Variants in BPGM observed in about 807,000 individuals in gnomAD.
BPGM encodes bisphosphoglycerate mutase.
A neutral mutation model predicts 21.6 loss-of-function variants in BPGM; 15 were observed. That is an observed-to-expected ratio of 0.70 (90% CI 0.47 to 1.07). BPGM has a LOEUF of 1.07. Ranked by LOEUF, BPGM falls within the 50% of genes least tolerant of loss-of-function variation. BPGM has a pLI of 0.00. For missense variants in BPGM, 273 were observed against 319.0 expected (o/e 0.86, Z 1.10); for synonymous variants, 113 against 116.2 (o/e 0.97, Z 0.18).
At position 134,661,738 on chromosome 7, in the gene BPGM, A is replaced by G. The variant is rs780186103; in HGVS notation, c.231A>G (p.Glu77=). 7 of 1,614,032 alleles carry G rather than the reference A, an allele frequency of 4.3e-6. No individual in the cohort carries two copies. The highest frequency in any genetic ancestry group is 3.3e-5 in the Admixed American group (2 of 59,986). The change falls in exon 2 of 3, where the codon GAA becomes GAG. Residue 77 remains glutamate, a synonymous_variant. Transcript: ENST00000344924. The surrounding 1 kb of genome is among the most constrained non-coding windows in gnomAD (Gnocchi z 4.6). ...TGATCCTGGAAGAGCTAGGCCAGGA[A>G]TGGGTGCCTGTGGAAAGCTCCTGGC... ...AWLILEELGQ[E]WVPVESSWRL...
At chr7:134,654,129 C>T (rs1381820313) in intron 1 of BPGM, among the ~76,000 whole-genome samples, 2 of 99,776 alleles carry the variant, frequency 2.0e-5, no homozygotes, top group Non-Finnish European at 3.8e-5. Context: ...GTTTTAGGTA[C>T]ACACACACAC....
intron 1 of BPGM, among the ~76,000 whole-genome samples, chr7:134,650,157 G>C (rs1313794276): frequency 6.6e-6 from 1 of 152,164 alleles, no homozygotes; most frequent in African/African-American, 2.4e-5. Flanking sequence ...TTAGACTTTT[G>C]GAATTTGGTG....
intron 2 of BPGM, among the ~76,000 whole-genome samples, chr7:134,669,972 CT>C (rs1399507317): frequency 6.6e-6 from 1 of 152,028 alleles, no homozygotes; most frequent in African/African-American, 2.4e-5. Context: ...TGAAAGCATC[CT>C]GTACTGTAGC....
chr7:134,656,836 A>G (rs765264891), intron 1 of BPGM, among the ~76,000 whole-genome samples: 4 of 152,198 alleles, frequency 2.6e-5, no homozygotes, highest in Non-Finnish European at 4.4e-5. Context: ...CAGTCGCCCA[A>G]AGTCTTAGCT....
At chr7:134,664,841 G>C (rs903051441) in intron 2 of BPGM, among the ~76,000 whole-genome samples, 1 of 152,168 alleles carries the variant, frequency 6.6e-6, no homozygotes, top group Non-Finnish European at 1.5e-5. Context: ...CCAGCCACAA[G>C]GGATCACATA....
At position 134,678,844 on chromosome 7, in the gene BPGM, G is replaced by C. The variant is rs368879693; in HGVS notation, c.602-9G>C. 7.7e-5 allele frequency: 124 copies of C among 1,612,490 alleles called. No homozygotes were observed. Among genetic ancestry groups the C allele is most frequent in the Non-Finnish European group, 1.0e-4 (119 of 1,178,676 alleles). On this transcript the variant is annotated splice_polypyrimidine_tract_variant and intron_variant, in intron 2 of 2. Transcript: ENST00000344924. The stretch of plus-strand genomic sequence containing the variant: ...TTAACACCTGGTCTCTTCCTGTCCT[G>C]ATCAACAGGTATCTCAGATGAAGAC...
At chr7:134,653,520 T>C (rs1320341909) in intron 1 of BPGM, among the ~76,000 whole-genome samples, 1 of 152,200 alleles carries the variant, frequency 6.6e-6, no homozygotes, top group African/African-American at 2.4e-5. Flanking sequence ...TGTCCCAATA[T>C]GTATAGAAAA....
intron 1 of BPGM, among the ~76,000 whole-genome samples, chr7:134,659,372 CGTGTGT>C (rs66893203): frequency 0.022 from 3,265 of 145,302 alleles, 55 homozygotes; most frequent in African/African-American, 0.053. Context: ...CACACCCCTC[CGTGTGT>C]GTGTGTGTGT....
chr7:134,674,242 C>T (rs1005278953), intron 2 of BPGM, among the ~76,000 whole-genome samples: 4 of 152,016 alleles, frequency 2.6e-5, no homozygotes, highest in Non-Finnish European at 4.4e-5. Flanking sequence ...ATCTTTATTG[C>T]GTTATAATTC....
At chr7:134,651,096 A>T (rs1245546605) in intron 1 of BPGM, among the ~76,000 whole-genome samples, 1 of 152,204 alleles carries the variant, frequency 6.6e-6, no homozygotes, top group African/African-American at 2.4e-5. Context: ...AAGTTGCTCA[A>T]AGCCACACAA....
intron 2 of BPGM, among the ~76,000 whole-genome samples, chr7:134,662,593 TTA>T (rs1795753528): frequency 1.3e-5 from 2 of 152,332 alleles, no homozygotes; most frequent in Admixed American, 1.3e-4. Flanking sequence ...GTCAAGTAAA[TTA>T]TCTAGACTTC....
rs762117892 is a variant in BPGM at position 134,661,837 on chromosome 7, A to G, written c.330A>G (p.Glu110=). The change falls in exon 2 of 3, where the codon GAA becomes GAG. Residue 110 remains glutamate, a synonymous_variant. Transcript: ENST00000344924. This position sits in a 1 kb window ranked among gnomAD's most constrained non-coding sequence, Gnocchi z 4.6. ...REQMALNHGE[E]QVRLWRRSYN... ...AGATGGCTTTGAATCATGGTGAAGA[A>G]CAAGTGAGGCTCTGGAGAAGAAGCT... is the stretch of plus-strand genomic sequence containing the variant. The G allele has an allele frequency of 4.3e-6, 7 of 1,609,282 alleles. No homozygotes were observed. The highest frequency in any genetic ancestry group is 1.7e-5 in the Admixed American group (1 of 59,568).
At chr7:134,667,171 G>C (rs750601699) in intron 2 of BPGM, among the ~76,000 whole-genome samples, 1 of 152,120 alleles carries the variant, frequency 6.6e-6, no homozygotes, top group Non-Finnish European at 1.5e-5. Flanking sequence ...TACTGTTTAG[G>C]GGGGAAATAA....
At chr7:134,653,079 A>C (rs1024039867) in intron 1 of BPGM, among the ~76,000 whole-genome samples, 1 of 152,236 alleles carries the variant, frequency 6.6e-6, no homozygotes, top group African/African-American at 2.4e-5. Flanking sequence ...AAACGGTTGA[A>C]ATAAATTAAT....
chr7:134,679,029 T>C lies in BPGM; in HGVS notation c.778T>C (p.Ter260GlnextTer7), dbSNP rs1346500429. Reference sequence around the variant, plus strand: ...AGGAAAAGTGAAACAAGCTAAAAAATAGTCTTTCTCAACTGTTGGCTAAGA... The same window carrying C: ...AGGAAAAGTGAAACAAGCTAAAAAACAGTCTTTCTCAACTGTTGGCTAAGA... ...DQGKVKQAKK[*>Q] The change falls in exon 3 of 3, where the codon TAG (stop) becomes CAG (glutamine). Residue 260 changes from the stop codon to glutamine, a stop_lost. Transcript: ENST00000344924. 9 of 1,614,044 alleles carry C rather than the reference T, an allele frequency of 5.6e-6. No homozygotes were observed. The Admixed American group carries it at 6.7e-5, about 12-fold the overall frequency.
At chr7:134,674,492 G>A (rs1015638337) in intron 2 of BPGM, among the ~76,000 whole-genome samples, 4 of 152,106 alleles carry the variant, frequency 2.6e-5, no homozygotes, top group Non-Finnish European at 5.9e-5. Flanking sequence ...TCATGTAAAT[G>A]GACTTATGCA....
Position 134,662,033 on chromosome 7 carries a change from G to A in BPGM, c.526G>A (p.Glu176Lys), listed in dbSNP as rs200416137. The change falls in exon 2 of 3, where the codon GAA (glutamate) becomes AAA (lysine). Residue 176 changes from glutamate to lysine, a missense_variant. Coordinates refer to ENST00000344924, the MANE Select transcript of BPGM (RefSeq NM_001724.5). ...CTATTGGAATGAAAGGATTGCTCCC[G>A]AAGTATTACGTGGCAAAACCATTCT... Reference protein sequence around the residue: ...LPYWNERIAPEVLRGKTILIS... With the variant: ...LPYWNERIAPKVLRGKTILIS... 1.7e-4 allele frequency: 277 copies of A among 1,614,038 alleles called. No individual in the cohort carries two copies. Among genetic ancestry groups the A allele is most frequent in the Non-Finnish European group, 2.3e-4 (267 of 1,180,022 alleles).
intron 2 of BPGM, among the ~76,000 whole-genome samples, chr7:134,676,927 C>T (rs185487556): frequency 1.3e-5 from 2 of 152,286 alleles, no homozygotes; most frequent in East Asian, 3.9e-4. Flanking sequence ...CATTTCTGGC[C>T]TGTTGAAGCC....
chr7:134,670,381 G>A (rs1032831469), intron 2 of BPGM, among the ~76,000 whole-genome samples: 1 of 152,198 alleles, frequency 6.6e-6, no homozygotes, highest in African/African-American at 2.4e-5. Flanking sequence ...AGCCAATTCA[G>A]GCCTCGCTTC....
Sources: gnomAD v4.1 joint callset for allele counts (sites outside exome capture counted in the v4.1 genomes callset) on GRCh38, gnomAD v4.1.1 for gene constraint, Gnocchi (gnomAD v3.1) non-coding constraint, MANE v1.5 for transcripts, NCBI Gene and HGNC (gene_info 2026-07-23, HGNC 2026-07-21) for gene names.